MTUS2: variants seen among roughly 807,000 people sequenced by gnomAD.
MTUS2 encodes the protein microtubule associated scaffold protein 2, also known as microtubule-associated tumor suppressor candidate 2.
MTUS2 carries 40 observed loss-of-function variants against 114.1 expected under a neutral mutation model. That is an observed-to-expected ratio of 0.35 (90% CI 0.27 to 0.46). The LOEUF (loss-of-function observed/expected upper bound fraction) is 0.46. MTUS2 is among the 20% of genes least tolerant of loss of function. The pLI, the probability that MTUS2 is intolerant of heterozygous loss-of-function variation, is 1.00. For missense variants in MTUS2, 1,679 were observed against 1,705.4 expected, an observed-to-expected ratio of 0.98 and a Z score of 0.27; for synonymous variants, 688 against 672.0, an observed-to-expected ratio of 1.02 and a Z score of -0.37.
chr13:29,200,749 A>G (rs576086162), intron 5 of MTUS2, among the ~76,000 whole-genome samples: 17 of 151,800 alleles, frequency 1.1e-4, no homozygotes, highest in African/African-American at 3.6e-4. Flanking sequence ...CGAATACCCA[A>G]CCTCAGGTGA....
chr13:28,908,299 A>G lies in MTUS2; in HGVS notation c.-243+68449A>G, dbSNP rs534358002. ...AACGCTATCCCTTCCACCTCCCCCA[A>G]CCCCACAACAGGCCCCGGTGGGTGA... On this transcript the variant is annotated intron_variant, in intron 2 of 15. Coordinates refer to ENST00000612955, the MANE Select transcript of MTUS2 (RefSeq NM_001033602.4). Among the ~76,000 whole-genome samples the G allele has an allele frequency of 2.7e-5, 4 of 150,360 alleles. 1 individual carries two copies. The highest frequency in any genetic ancestry group is 1.9e-4 in the East Asian group (1 of 5,154).
chr13:29,445,697 A>G (rs1374012290), intron 9 of MTUS2, among the ~76,000 whole-genome samples: 3 of 152,068 alleles, frequency 2.0e-5, no homozygotes, highest in Non-Finnish European at 4.4e-5. Context: ...ACTTGAGGCC[A>G]GGAGTTCAAG....
At position 29,344,321 on chromosome 13, in the gene MTUS2, T is replaced by C. The variant is rs531143806; in HGVS notation, c.2906-14941T>C. On this transcript the variant is annotated intron_variant, in intron 7 of 15. Transcript: ENST00000612955. ...GTCTAATAGTAAATGTTTTATAAAT[T>C]TGGGAGCTCCAGTGTTAGGTGTATA... 4.2e-4 allele frequency among the ~76,000 whole-genome samples: 64 copies of C among 152,226 alleles called. 1 individual carries two copies. Among genetic ancestry groups the C allele is most frequent in the African/African-American group, 1.4e-3 (57 of 41,554 alleles).
intron 2 of MTUS2, among the ~76,000 whole-genome samples, chr13:29,015,384 G>A (rs1457091594): frequency 3.3e-5 from 5 of 152,166 alleles, no homozygotes; most frequent in African/African-American, 4.8e-5. Context: ...GGGAAATGGA[G>A]GGATAGAATG....
chr13:29,020,803 G>A (rs1381279576), intron 2 of MTUS2, among the ~76,000 whole-genome samples: 1 of 151,612 alleles, frequency 6.6e-6, no homozygotes, highest in Non-Finnish European at 1.5e-5. Flanking sequence ...TGTGACCTTG[G>A]GAATGTTACC....
At chr13:29,262,801 A>G (rs1162577936) in intron 5 of MTUS2, among the ~76,000 whole-genome samples, 1 of 152,104 alleles carries the variant, frequency 6.6e-6, no homozygotes, top group South Asian at 2.1e-4. Flanking sequence ...AAGGCTTGCT[A>G]TAGGGGCTTG....
At chr13:29,498,719 G>T (rs1211825334) in intron 14 of MTUS2, among the ~76,000 whole-genome samples, 182 bp downstream of exon 14, 1 of 152,190 alleles carries the variant, frequency 6.6e-6, no homozygotes, top group Non-Finnish European at 1.5e-5. Flanking sequence ...GAATCTTGGA[G>T]GTGGCCTCAC....
intron 6 of MTUS2, among the ~76,000 whole-genome samples, chr13:29,291,279 G>T (rs1898702991): frequency 6.6e-6 from 1 of 152,210 alleles, no homozygotes. Flanking sequence ...GGCCCACAGT[G>T]AGGGGCAGCC....
chr13:29,156,855 C>T (rs1892883058), intron 5 of MTUS2, among the ~76,000 whole-genome samples: 1 of 152,198 alleles, frequency 6.6e-6, no homozygotes, highest in Admixed American at 6.5e-5. Flanking sequence ...CACTCCCCGA[C>T]CCCGCCTCAG....
intron 2 of MTUS2, among the ~76,000 whole-genome samples, chr13:28,884,208 A>C (rs1453483013): frequency 6.6e-6 from 1 of 152,178 alleles, no homozygotes; most frequent in Non-Finnish European, 1.5e-5. Flanking sequence ...CATATGATGG[A>C]ATATTATTTA....
intron 4 of MTUS2, among the ~76,000 whole-genome samples, chr13:29,085,806 G>A (rs1289473960): frequency 2.6e-5 from 4 of 152,178 alleles, no homozygotes; most frequent in Non-Finnish European, 5.9e-5. Context: ...TGTATACCCA[G>A]CAGTGGGATT....
At chr13:28,993,373 T>G (rs1285900424) in intron 2 of MTUS2, among the ~76,000 whole-genome samples, 5 of 152,240 alleles carry the variant, frequency 3.3e-5, no homozygotes, top group African/African-American at 4.8e-5. Flanking sequence ...CACAAGTGTT[T>G]CAGTTTCTTT....
chr13:29,121,509 G>T (rs1488161522), intron 5 of MTUS2, among the ~76,000 whole-genome samples: 1 of 152,056 alleles, frequency 6.6e-6, no homozygotes, highest in East Asian at 1.9e-4. Flanking sequence ...AGATAGATAT[G>T]GGGAATTTTA....
At chr13:29,010,921 T>C (rs962034247) in intron 2 of MTUS2, among the ~76,000 whole-genome samples, 3 of 152,102 alleles carry the variant, frequency 2.0e-5, no homozygotes, top group Non-Finnish European at 4.4e-5. Context: ...GAGCTGCCCC[T>C]GGGAGAGGTG....
At chr13:28,973,458 A>G (rs966570446) in intron 2 of MTUS2, among the ~76,000 whole-genome samples, 13 of 152,216 alleles carry the variant, frequency 8.5e-5, no homozygotes, top group African/African-American at 3.1e-4. Context: ...AAGCTGCCTC[A>G]CTAGGGCATG....
rs181357726 is a variant in MTUS2 at position 29,498,316 on chromosome 13, G to T, written c.3679-102G>T. ...TTGGTGTTGCAGTTGCCATCAGGGC[G>T]CTTGTCCCAGGAGGATAGATTTAGC... On this transcript the variant is annotated intron_variant, in intron 13 of 15. Coordinates refer to ENST00000612955, the MANE Select transcript of MTUS2 (RefSeq NM_001033602.4). The T allele has an allele frequency of 4.1e-4, 624 of 1,519,044 alleles. 5 individuals carry two copies. The African/African-American group carries it at 8.1e-3, about 20-fold the overall frequency. The allele number at this position is 1,519,044 out of a possible 1,614,324, so 94.1% of individuals were successfully genotyped here. A position where few individuals can be genotyped will look rare whatever the true frequency, so the allele number is the denominator to read the frequency against.
chr13:28,913,991 ATTC>A (rs1880603225), intron 2 of MTUS2, among the ~76,000 whole-genome samples: 1 of 151,442 alleles, frequency 6.6e-6, no homozygotes, highest in Non-Finnish European at 1.5e-5. Context: ...TATCTATTTT[ATTC>A]TTCTCTCTTT....
chr13:29,180,385 C>A (rs1370222016), intron 5 of MTUS2, among the ~76,000 whole-genome samples: 2 of 151,954 alleles, frequency 1.3e-5, no homozygotes, highest in Admixed American at 1.3e-4. Context: ...AACAAGCAAC[C>A]CTGAGATAAA....
In MTUS2 at chr13:28,873,929, T is replaced by C. The variant is rs180763964; in HGVS notation, c.-243+34079T>C. On this transcript the variant is annotated intron_variant, in intron 2 of 15. Transcript: ENST00000612955. ...TTTGTGTTATACTATCATTTGGTAA[T>C]GTTATCCTGCTCTCTAATCAACACT... 9.4e-4 allele frequency among the ~76,000 whole-genome samples: 143 copies of C among 152,356 alleles called. 1 individual carries two copies. The Middle Eastern group carries it at 0.017, about 18-fold the overall frequency.
Sources: allele counts gnomAD v4.1 joint callset (sites outside exome capture counted in the v4.1 genomes callset), GRCh38; gene constraint gnomAD v4.1.1; transcripts MANE v1.5; gene names NCBI Gene and HGNC (gene_info 2026-07-23, HGNC 2026-07-21).